Variants in GRIN2B observed in about 807,000 individuals in gnomAD.
GRIN2B encodes the protein glutamate receptor ionotropic, NMDA 2B.
A neutral mutation model predicts 114.5 loss-of-function variants in GRIN2B; 5 were observed. The observed-to-expected ratio is 0.04, with a 90% CI of 0.02 to 0.09. The LOEUF (loss-of-function observed/expected upper bound fraction) is 0.09. Among genes scored for constraint, GRIN2B ranks in the 10% least tolerant of loss-of-function variants. The probability of loss-of-function intolerance (pLI) is 1.00; values close to 1 mark genes in which losing one functional copy is unlikely to be tolerated. For missense variants in GRIN2B, 1,108 were observed against 1,943.5 expected (o/e 0.57, Z 8.08); for synonymous variants, 787 against 745.1 (o/e 1.06, Z -0.92).
At chr12:13,914,013 A>G (rs1418254759) in intron 2 of GRIN2B, among the ~76,000 whole-genome samples, 3 of 152,134 alleles carry the variant, frequency 2.0e-5, no homozygotes, top group African/African-American at 2.4e-5. Context: ...TTCATCTTTG[A>G]TCTTAGATTC....
chr12:13,561,388 T>G lies in GRIN2B; in HGVS notation c.*1395A>C, dbSNP rs1308604346. 6.6e-6 allele frequency: 1 copy of G among 152,314 alleles called. No individual in the cohort carries two copies. Among genetic ancestry groups the G allele is most frequent in the Non-Finnish European group, 1.5e-5 (1 of 67,998 alleles). The allele number at this position is 152,314 out of a possible 1,614,324, so 9.4% of individuals were successfully genotyped here. On this transcript the variant is annotated 3_prime_UTR_variant, in exon 14 of 14. Transcript: ENST00000609686. Reference sequence around the variant, plus strand: ...AAGTCTCTTCCCCTCTTTTCGTACCTCCAGAGCTGCACTCATGGAGTGCAG... The same window carrying G: ...AAGTCTCTTCCCCTCTTTTCGTACCGCCAGAGCTGCACTCATGGAGTGCAG...
chr12:13,728,888 G>A (rs1331910968), intron 4 of GRIN2B, among the ~76,000 whole-genome samples: 2 of 151,718 alleles, frequency 1.3e-5, no homozygotes, highest in Non-Finnish European at 2.9e-5. Context: ...ATTTCCTCTG[G>A]ACTCTTCTTC....
At chr12:13,600,493 G>A (rs1416630848) in intron 10 of GRIN2B, among the ~76,000 whole-genome samples, 1 of 144,580 alleles carries the variant, frequency 6.9e-6, no homozygotes, top group East Asian at 2.3e-4. Flanking sequence ...AGGGATGTGT[G>A]TGTGCATGTG....
At chr12:13,892,718 T>C (rs193002350) in intron 2 of GRIN2B, among the ~76,000 whole-genome samples, 1 of 152,140 alleles carries the variant, frequency 6.6e-6, no homozygotes, top group African/African-American at 2.4e-5. Context: ...TATATGAGAA[T>C]AACACGGGGG....
chr12:13,741,959 T>A (rs1863294334), intron 4 of GRIN2B, among the ~76,000 whole-genome samples: 2 of 152,188 alleles, frequency 1.3e-5, no homozygotes, highest in Admixed American at 6.5e-5. Flanking sequence ...TAATCTTTTT[T>A]AAAAATAAAT....
intron 5 of GRIN2B, among the ~76,000 whole-genome samples, chr12:13,669,454 T>C (rs1256444519): frequency 6.6e-6 from 1 of 152,078 alleles, no homozygotes; most frequent in Non-Finnish European, 1.5e-5. Flanking sequence ...TCAGTAAAAA[T>C]AGCATGTTGT....
In GRIN2B at chr12:13,977,937, C is replaced by T. The variant is rs538166743; in HGVS notation, c.-19+1991G>A. On this transcript the variant is annotated intron_variant, in intron 2 of 13. Transcript: ENST00000609686. ...TTCCTCAACTCCCTCCCCTTTCAAC[C>T]TCGCCTAGTCTTAGGGACAACTAAT... Among the ~76,000 whole-genome samples the T allele has an allele frequency of 2.6e-5, 4 of 152,254 alleles. No individual in the cohort carries two copies. The South Asian group carries it at 6.2e-4, about 24-fold the overall frequency.
intron 4 of GRIN2B, among the ~76,000 whole-genome samples, chr12:13,685,706 C>T (rs1950170044): frequency 6.6e-6 from 1 of 152,172 alleles, no homozygotes; most frequent in South Asian, 2.1e-4. Flanking sequence ...TCATAAACCA[C>T]ACCTACCATA....
intron 2 of GRIN2B, among the ~76,000 whole-genome samples, chr12:13,974,743 T>C (rs1472055618): frequency 6.6e-6 from 1 of 152,030 alleles, no homozygotes; most frequent in Non-Finnish European, 1.5e-5. Flanking sequence ...GCTACACCAC[T>C]AGATCCTGCT....
At chr12:13,881,536 C>T (rs914651185) in intron 2 of GRIN2B, among the ~76,000 whole-genome samples, 1 of 152,350 alleles carries the variant, frequency 6.6e-6, no homozygotes, top group East Asian at 1.9e-4. Context: ...TTTTATCCAT[C>T]TGCCTAGTTG....
chr12:13,660,831 C>G (rs1336619628), intron 5 of GRIN2B, among the ~76,000 whole-genome samples: 1 of 152,190 alleles, frequency 6.6e-6, no homozygotes, highest in African/African-American at 2.4e-5. Context: ...CCAGACTGTT[C>G]AAAGCCTCTT....
chr12:13,932,640 C>A (rs1867054245), intron 2 of GRIN2B, among the ~76,000 whole-genome samples: 1 of 152,136 alleles, frequency 6.6e-6, no homozygotes, highest in Non-Finnish European at 1.5e-5. Flanking sequence ...CACAGAGAGG[C>A]CTTTCTATGA....
intron 2 of GRIN2B, among the ~76,000 whole-genome samples, chr12:13,914,368 A>T: frequency 6.6e-6 from 1 of 152,176 alleles, no homozygotes; most frequent in Non-Finnish European, 1.5e-5. Flanking sequence ...CAACACAAGG[A>T]GATATCGTCT....
At chr12:13,658,972 C>A (rs1949894169) in intron 5 of GRIN2B, among the ~76,000 whole-genome samples, 1 of 152,124 alleles carries the variant, frequency 6.6e-6, no homozygotes, top group Non-Finnish European at 1.5e-5. Flanking sequence ...TACCCTGTAC[C>A]CACCCAGAGG....
chr12:13,749,993 C>T (rs1863454112), intron 4 of GRIN2B, among the ~76,000 whole-genome samples: 1 of 152,060 alleles, frequency 6.6e-6, no homozygotes, highest in African/African-American at 2.4e-5. Flanking sequence ...AAGAGATGTC[C>T]AGCGGGCAGG....
At chr12:13,952,385 T>C (rs1324954071) in intron 2 of GRIN2B, among the ~76,000 whole-genome samples, 2 of 152,192 alleles carry the variant, frequency 1.3e-5, no homozygotes, top group South Asian at 2.1e-4. Flanking sequence ...CAAATTAGGA[T>C]ATAGTTAGCA....
chr12:13,664,629 A>C (rs1485453128), intron 5 of GRIN2B, among the ~76,000 whole-genome samples: 1 of 152,196 alleles, frequency 6.6e-6, no homozygotes, highest in Non-Finnish European at 1.5e-5. Flanking sequence ...AGCAATGATG[A>C]ATTTGAAGAT....
intron 4 of GRIN2B, among the ~76,000 whole-genome samples, chr12:13,745,108 T>C (rs1052731748): frequency 2.6e-5 from 4 of 152,156 alleles, no homozygotes; most frequent in East Asian, 1.9e-4. Flanking sequence ...CAAGATCTCA[T>C]GTAGATATAA....
intron 8 of GRIN2B, among the ~76,000 whole-genome samples, chr12:13,612,972 T>C (rs568959692): frequency 6.6e-6 from 1 of 152,350 alleles, no homozygotes; most frequent in Admixed American, 6.5e-5. Context: ...GAAAATATAT[T>C]TCTTACTCTG....
Sources: allele counts gnomAD v4.1 joint callset (sites outside exome capture counted in the v4.1 genomes callset), GRCh38; gene constraint gnomAD v4.1.1; transcripts MANE v1.5; gene names NCBI Gene and HGNC (gene_info 2026-07-23, HGNC 2026-07-21).